Variants in SHLD2 observed in about 807,000 individuals in gnomAD.
SHLD2 encodes shieldin complex subunit 2.
In SHLD2, 30 loss-of-function variants were observed where a neutral mutation model predicts 73.2. The observed-to-expected ratio is 0.41, with a 90% CI of 0.31 to 0.56. The LOEUF is 0.56. SHLD2 is among the 20% of genes least tolerant of loss of function. The pLI, the probability that SHLD2 is intolerant of heterozygous loss-of-function variation, is 0.28. For synonymous variants in SHLD2, 285 were observed against 370.1 expected (o/e 0.77, Z 2.64); for missense variants, 745 against 1,055.9 (o/e 0.71, Z 4.08).
chr10:87,178,634 T>C (rs1848103120), intron 7 of SHLD2, among the ~76,000 whole-genome samples: 1 of 151,818 alleles, frequency 6.6e-6, no homozygotes, highest in South Asian at 2.1e-4. Flanking sequence ...GAGGATCACT[T>C]GTGCCCAGGG....
intron 2 of SHLD2, among the ~76,000 whole-genome samples, chr10:87,144,361 A>T (rs1216779949): frequency 6.6e-6 from 1 of 152,230 alleles, no homozygotes; most frequent in Admixed American, 6.5e-5. Flanking sequence ...ATGTGATTAC[A>T]GATGTCTCAC....
At chr10:87,189,378 G>A (rs1221866102) in intron 9 of SHLD2, among the ~76,000 whole-genome samples, 1 of 152,184 alleles carries the variant, frequency 6.6e-6, no homozygotes, top group African/African-American at 2.4e-5. Context: ...ATATACTTCA[G>A]TGTTTTGTCC....
intron 4 of SHLD2, among the ~76,000 whole-genome samples, chr10:87,169,386 C>G (rs2134550162): frequency 1.3e-5 from 2 of 152,160 alleles, no homozygotes; most frequent in Admixed American, 6.6e-5. Flanking sequence ...GTGTGAGCAT[C>G]TGCATTTACT....
At chr10:87,175,687 A>AAAT (rs373848347) in intron 6 of SHLD2, among the ~76,000 whole-genome samples, 241 of 151,700 alleles carry the variant, frequency 1.6e-3, no homozygotes, top group African/African-American at 4.5e-3. Flanking sequence ...CTGTCTTGGA[A>AAAT]AATAATAATA....
chr10:87,095,749 G>C (rs1178368953), intron 1 of SHLD2, among the ~76,000 whole-genome samples: 2 of 152,214 alleles, frequency 1.3e-5, no homozygotes, highest in Admixed American at 1.3e-4. Context: ...TCGCCCCACA[G>C]TACTGACTGC....
intron 8 of SHLD2, among the ~76,000 whole-genome samples, chr10:87,184,963 C>T (rs1848526372): frequency 6.6e-6 from 1 of 152,136 alleles, no homozygotes; most frequent in African/African-American, 2.4e-5. Flanking sequence ...CTGAAATGTA[C>T]AATTCAATGG....
chr10:87,125,854 G>C (rs969666356), intron 2 of SHLD2, among the ~76,000 whole-genome samples: 1 of 152,194 alleles, frequency 6.6e-6, no homozygotes, highest in African/African-American at 2.4e-5. Flanking sequence ...TTGAACCCGG[G>C]AGGCGGAGGT....
chr10:87,169,932 A>G (rs1162852841), intron 4 of SHLD2, among the ~76,000 whole-genome samples: 3 of 152,204 alleles, frequency 2.0e-5, no homozygotes, highest in Non-Finnish European at 2.9e-5. Flanking sequence ...TAATCATTCT[A>G]TGTGGTATTG....
intron 2 of SHLD2, among the ~76,000 whole-genome samples, chr10:87,098,067 T>A (rs775003944): frequency 2.6e-5 from 4 of 152,168 alleles, no homozygotes; most frequent in Non-Finnish European, 5.9e-5. Flanking sequence ...CTGGTCATTA[T>A]GTTTTAAAAT....
At chr10:87,112,786 A>T (rs935817285) in intron 2 of SHLD2, among the ~76,000 whole-genome samples, 1 of 151,830 alleles carries the variant, frequency 6.6e-6, no homozygotes, top group Non-Finnish European at 1.5e-5. Flanking sequence ...GGGAACCCTT[A>T]TAGGGTTCCT....
chr10:87,102,348 G>A (rs1842322090), intron 2 of SHLD2, among the ~76,000 whole-genome samples: 2 of 152,084 alleles, frequency 1.3e-5, no homozygotes, highest in Admixed American at 1.3e-4. Context: ...CTGGACCCAA[G>A]CGGTCTTCCC....
rs984355046 is a variant in SHLD2 at position 87,097,003 on chromosome 10, T to A, written c.-6+14T>A. ...CAAAAGATTAAGGTATCAAATTTCC[T>A]TTTTTCTGGATGTATTATCGTTTTA... is the stretch of plus-strand genomic sequence containing the variant. On this transcript the variant is annotated intron_variant, in intron 2 of 9. Transcript: ENST00000298786. The A allele has an allele frequency of 6.6e-6, 1 of 152,210 alleles. No individual in the cohort carries two copies. The highest frequency in any genetic ancestry group is 1.5e-5 in the Non-Finnish European group (1 of 68,032). 9.4% of individuals were successfully genotyped at this position (152,210 alleles called of 1,614,324 possible). A position where few individuals can be genotyped will look rare whatever the true frequency, so the allele number is the denominator to read the frequency against.
chr10:87,166,522 T>G (rs891024390), intron 4 of SHLD2, among the ~76,000 whole-genome samples: 6 of 152,224 alleles, frequency 3.9e-5, no homozygotes, highest in African/African-American at 1.4e-4. Context: ...ATTGGAAGAT[T>G]TAACATTGTG....
intron 4 of SHLD2, among the ~76,000 whole-genome samples, chr10:87,170,010 G>A (rs1847478786): frequency 6.6e-6 from 1 of 152,160 alleles, no homozygotes; most frequent in Non-Finnish European, 1.5e-5. Context: ...AAAGAGTAAG[G>A]CACACTCAGG....
At chr10:87,142,873 C>T (rs1845298937) in intron 2 of SHLD2, among the ~76,000 whole-genome samples, 1 of 148,648 alleles carries the variant, frequency 6.7e-6, no homozygotes, top group South Asian at 2.1e-4. Flanking sequence ...CTGGCACCTA[C>T]CTGTGAGTTC....
At chr10:87,094,764 G>A (rs529646032), upstream of SHLD2, 5 of 1,538,486 alleles carry the variant, frequency 3.2e-6, no homozygotes, top group Non-Finnish European at 4.4e-6. The surrounding 1 kb of genome is among the most constrained non-coding windows in gnomAD (Gnocchi z 6.6). Flanking sequence ...CCAGGTAGCG[G>A]TACATGGCCA....
intron 2 of SHLD2, among the ~76,000 whole-genome samples, chr10:87,121,916 CACCAT>C (rs1350707761): frequency 6.6e-6 from 1 of 151,840 alleles, no homozygotes; most frequent in Non-Finnish European, 1.5e-5. Context: ...AGGTATATGT[CACCAT>C]GCCTGGCTAA....
intron 2 of SHLD2, among the ~76,000 whole-genome samples, chr10:87,118,878 T>C (rs1299315924): frequency 6.6e-6 from 1 of 152,242 alleles, no homozygotes; most frequent in Non-Finnish European, 1.5e-5. Context: ...GCTCCACCTC[T>C]TTACTATAGC....
Position 87,190,849 on chromosome 10 carries a change from T to C in SHLD2, c.*166T>C, listed in dbSNP as rs894847851. ...TTAAAACTTTTTTCTAAGAAAATCC[T>C]GTGAGGTTTAAAAAGATTGTTTTTG... On this transcript the variant is annotated 3_prime_UTR_variant, in exon 10 of 10. Coordinates refer to ENST00000298786, the MANE Select transcript of SHLD2 (RefSeq NM_001330112.2). The C allele has an allele frequency of 3.1e-5, 19 of 617,122 alleles. No individual in the cohort carries two copies. Among genetic ancestry groups the C allele is most frequent in the Non-Finnish European group, 5.3e-5 (19 of 355,628 alleles). The allele number at this position is 617,122 out of a possible 1,614,324, so 38.2% of individuals were successfully genotyped here.
Sources: gnomAD v4.1 joint callset for allele counts (sites outside exome capture counted in the v4.1 genomes callset) on GRCh38, gnomAD v4.1.1 for gene constraint, Gnocchi (gnomAD v3.1) non-coding constraint, MANE v1.5 for transcripts, NCBI Gene and HGNC (gene_info 2026-07-23, HGNC 2026-07-21) for gene names.